The following SCART1 variants were observed in gnomAD, a reference collection of about 807,000 sequenced individuals.
SCART1 encodes scavenger receptor cysteine-rich domain-containing protein SCART1.
Under a neutral mutation model 36.2 loss-of-function variants are expected in SCART1, and 62 were observed. The observed-to-expected ratio is 1.71, with a 90% CI of 1.40 to 2.12. SCART1 has a LOEUF of 2.12. Ranked by LOEUF, SCART1 falls within the 30% of genes most tolerant of loss-of-function variation. SCART1 has a pLI of 0.00. For synonymous variants in SCART1, 487 were observed against 238.7 expected, an observed-to-expected ratio of 2.04 and a Z score of -9.59; for missense variants, 1,041 against 540.5, an observed-to-expected ratio of 1.93 and a Z score of -9.18.
chr10:133,456,645 G>A (rs940890979), intron 2 of SCART1, 91 bp downstream of exon 2: 17 of 596,474 alleles, frequency 2.9e-5, no homozygotes, highest in African/African-American at 7.4e-5. Context: ...AGGAGGACTG[G>A]GAGGATGGCG....
chr10:133,457,847 C>T, intron 3 of SCART1: 1 of 546,348 alleles, frequency 1.8e-6, no homozygotes, highest in South Asian at 2.4e-5. Context: ...TGAGCTGCCT[C>T]AGCTGTGATC....
At chr10:133,461,978 G>C (rs537795622) in intron 6 of SCART1, among the ~76,000 whole-genome samples, 1 of 152,352 alleles carries the variant, frequency 6.6e-6, no homozygotes, top group African/African-American at 2.4e-5. Flanking sequence ...CAGACCATCT[G>C]CTGGAGCCAG....
chr10:133,455,880 G>A (rs954474608), intron 1 of SCART1, among the ~76,000 whole-genome samples: 1 of 152,062 alleles, frequency 6.6e-6, no homozygotes. Context: ...GTGGGCTGGA[G>A]ACCACAGGGC....
At chr10:133,461,712 C>G (rs1332645311) in intron 6 of SCART1, among the ~76,000 whole-genome samples, 1 of 152,152 alleles carries the variant, frequency 6.6e-6, no homozygotes, top group African/African-American at 2.4e-5. Context: ...CTTGTTTTCT[C>G]CTAATGACAT....
chr10:133,465,688 C>T, intron 9 of SCART1, 123 bp downstream of exon 9: 2 of 606,934 alleles, frequency 3.3e-6, no homozygotes, highest in South Asian at 4.0e-5. Flanking sequence ...TTGGTTTCCA[C>T]CCTGGGATTT....
exon 12 of SCART1, chr10:133,468,172 T>C (rs1850784402): frequency 2.3e-6 from 1 of 436,226 alleles, no homozygotes; most frequent in Non-Finnish European, 4.1e-6. Flanking sequence ...TGGACAGTTG[T>C]GCTGTGTAAC....
chr10:133,466,641 G>T lies in SCART1; in HGVS notation c.2806+260G>T, dbSNP rs77944122. On this transcript the variant is annotated intron_variant, in intron 10 of 11. Transcript: ENST00000640237. ...TGGATGGCCTCTAGCTGAGACGGTG[G>T]ATGCCCATATTATCATCCCTCACAA... Among the ~76,000 whole-genome samples the T allele has an allele frequency of 4.9e-4, 74 of 152,340 alleles. 2 individuals are homozygous for T. In the East Asian group the frequency reaches 0.013, roughly 26 times the overall value.
rs184907340 is a variant in SCART1, at chr10:133,458,119, C to T, written c.683-241C>T. On this transcript the variant is annotated intron_variant, in intron 3 of 11. Transcript: ENST00000640237. Reference sequence around the variant, plus strand: ...TCGGACAGGCAGAGGCTGTGAAATACGTGAGCACCTGCAGCAGGTGACCCT... The same window carrying T: ...TCGGACAGGCAGAGGCTGTGAAATATGTGAGCACCTGCAGCAGGTGACCCT... 4.4e-3 allele frequency: 3,052 copies of T among 687,242 alleles called. 16 individuals are homozygous for T. Among genetic ancestry groups the T allele is most frequent in the Middle Eastern group, 0.017 (47 of 2,706 alleles). The allele number at this position is 687,242 out of a possible 1,614,324, so 42.6% of individuals were successfully genotyped here. A position where few individuals can be genotyped will look rare whatever the true frequency, so the allele number is the denominator to read the frequency against.
chr10:133,455,448 C>G (rs1011003401), intron 1 of SCART1, among the ~76,000 whole-genome samples: 1 of 152,106 alleles, frequency 6.6e-6, no homozygotes, highest in East Asian at 1.9e-4. Flanking sequence ...GGTCCCCCCT[C>G]TGCTCCTGAC....
exon 2 of SCART1, chr10:133,456,507 G>A (rs757757150): frequency 4.8e-5 from 33 of 691,050 alleles, no homozygotes; most frequent in Admixed American, 1.2e-4. Flanking sequence ...GGCTCATGGT[G>A]CCAGAGCCCG....
Position 133,456,719 on chromosome 10 carries a change from G to A in SCART1, c.385+165G>A, listed in dbSNP as rs111412749. 3.9e-3 allele frequency among the ~76,000 whole-genome samples: 594 copies of A among 152,210 alleles called. 4 individuals carry two copies. Among genetic ancestry groups the A allele is most frequent in the Non-Finnish European group, 5.5e-3 (371 of 67,994 alleles). On this transcript the variant is annotated intron_variant, in intron 2 of 11. Transcript: ENST00000640237. The stretch of plus-strand genomic sequence containing the variant: ...TCTCTCTGGGAGGGGCTCCTCTCTG[G>A]GCACCGGGGCCATCCTGACTGTAAG...
Position 133,457,219 on chromosome 10 carries a change from C to T in SCART1, c.386-60C>T, listed in dbSNP as rs866008879. 22 of 682,910 alleles carry T rather than the reference C, an allele frequency of 3.2e-5. No homozygotes were observed. In the Middle Eastern group the frequency reaches 1.1e-3, roughly 35 times the overall value. 42.3% of individuals were successfully genotyped at this position (682,910 alleles called of 1,614,324 possible). ...CTGTCCTCCCTGAAAAAGGAGCTGCCGAGTGACCATGCGGCCAGCTGGGTC... is the reference window on the plus strand; with the variant it reads ...CTGTCCTCCCTGAAAAAGGAGCTGCTGAGTGACCATGCGGCCAGCTGGGTC... On this transcript the variant is annotated intron_variant, in intron 2 of 11. Coordinates refer to ENST00000640237, the Ensembl canonical transcript of SCART1.
intron 2 of SCART1, among the ~76,000 whole-genome samples, 170 bp downstream of exon 2, chr10:133,456,724 C>T (rs978587727): frequency 9.2e-5 from 14 of 152,052 alleles, no homozygotes; most frequent in Admixed American, 3.9e-4. Context: ...CTCTGGGCAC[C>T]GGGGCCATCC....
intron 6 of SCART1, among the ~76,000 whole-genome samples, chr10:133,462,738 G>A (rs1380899252): frequency 6.6e-6 from 1 of 152,150 alleles, no homozygotes; most frequent in Non-Finnish European, 1.5e-5. Flanking sequence ...CAGGAGTAGT[G>A]GAGGCTCTGT....
chr10:133,458,375 G>A lies in SCART1; in HGVS notation c.698G>A (p.Arg233Gln), dbSNP rs748309733. 14 of 702,522 alleles carry A rather than the reference G, an allele frequency of 2.0e-5. 1 individual carries two copies. Among genetic ancestry groups the A allele is most frequent in the Admixed American group, 4.0e-5 (2 of 49,980 alleles). 43.5% of individuals were successfully genotyped at this position (702,522 alleles called of 1,614,324 possible). ...CTGCCCCCAGGACACACCGAGGCCC[G>A]ACTGGTGGGCGGCGAGCACCCCTGC... The change falls in exon 4 of 12, where the codon CGA becomes CAA. Residue 233 changes from arginine (R) to glutamine (Q), a missense_variant. By Grantham distance (43) the Arg-to-Gln change is conservative (BLOSUM62 1). Transcript: ENST00000640237.
chr10:133,459,823 C>A, exon 6 of SCART1: 1 of 583,708 alleles, frequency 1.7e-6, no homozygotes, highest in Non-Finnish European at 3.1e-6. Context: ...GGAACCGCGT[C>A]CCCCATGGCC....
Position 133,454,188 on chromosome 10 carries a change from A to G in SCART1, c.67+124A>G, listed in dbSNP as rs185056019. 231 of 670,476 alleles carry G rather than the reference A, an allele frequency of 3.4e-4. 1 individual carries two copies. The African/African-American group carries it at 3.5e-3, about 10-fold the overall frequency. 41.5% of individuals were successfully genotyped at this position (670,476 alleles called of 1,614,324 possible). A position where few individuals can be genotyped will look rare whatever the true frequency, so the allele number is the denominator to read the frequency against. ...TCTGCCTGGGTCTCACTCAGCCCAG[A>G]GTGGGTGGGACATGCTGGGGCAGGA... is the stretch of plus-strand genomic sequence containing the variant. On this transcript the variant is annotated intron_variant, in intron 1 of 11. Coordinates refer to ENST00000640237, the Ensembl canonical transcript of SCART1.
At chr10:133,467,084 C>T in intron 10 of SCART1, 114 bp from the exon 11 acceptor site, 1 of 569,470 alleles carries the variant, frequency 1.8e-6, no homozygotes, top group East Asian at 3.0e-5. Flanking sequence ...CAGCCCACAG[C>T]ATCCTGCCTC....
intron 10 of SCART1, 199 bp from the exon 11 acceptor site, chr10:133,466,999 T>A: frequency 4.0e-6 from 2 of 498,824 alleles, no homozygotes; most frequent in Non-Finnish European, 7.1e-6. Flanking sequence ...CATCATGTGG[T>A]TTGCTGGCAA....
Sources: gnomAD v4.1 joint callset for allele counts (sites outside exome capture counted in the v4.1 genomes callset) on GRCh38, gnomAD v4.1.1 for gene constraint, MANE v1.5 for transcripts, NCBI Gene and HGNC (gene_info 2026-07-23, HGNC 2026-07-21) for gene names.